Variants in CIRBP observed in about 807,000 individuals in gnomAD.
The protein encoded by CIRBP is cold-inducible RNA-binding protein.
Under a neutral mutation model 22.3 loss-of-function variants are expected in CIRBP, and 11 were observed. The ratio of observed to expected loss-of-function variants is 0.49; its 90% confidence interval spans 0.31 to 0.82. The LOEUF is 0.82. Among genes scored for constraint, CIRBP ranks in the 40% least tolerant of loss-of-function variants. CIRBP has a pLI of 0.05. For synonymous variants in CIRBP, 216 were observed against 158.8 expected, an observed-to-expected ratio of 1.36 and a Z score of -2.71; for missense variants, 456 against 402.7, an observed-to-expected ratio of 1.13 and a Z score of -1.13.
intron 1 of CIRBP, chr19:1,269,827 A>T (rs1272398660): frequency 9.7e-6 from 5 of 518,108 alleles, no homozygotes; most frequent in Admixed American, 1.9e-5. Context: ...TTGCTTACCG[A>T]GCCTTAGTTT....
At position 1,274,526 on chromosome 19, in the gene CIRBP, C is replaced by G; in HGVS notation, c.*2083C>G. The G allele has an allele frequency of 2.6e-6, 1 of 386,796 alleles. No individual in the cohort carries two copies. 24.0% of individuals were successfully genotyped at this position (386,796 alleles called of 1,614,324 possible). ...CGTTTCAGTGAGTCCTGCTCTCCCG[C>G]ACCTATGGCCCCATGGCGGGCGCCT... On this transcript the variant is annotated 3_prime_UTR_variant, in exon 6 of 6. Coordinates refer to ENST00000587896, the MANE Select transcript of CIRBP (RefSeq NM_001300829.2).
Position 1,272,481 on chromosome 19 carries a change from T to C in CIRBP, c.*38T>C, listed in dbSNP as rs746745761. The C allele has an allele frequency of 1.6e-5, 23 of 1,480,544 alleles. No individual in the cohort carries two copies. The highest frequency in any genetic ancestry group is 1.5e-5 in the Non-Finnish European group (16 of 1,099,628). The allele number at this position is 1,480,544 out of a possible 1,614,324, so 91.7% of individuals were successfully genotyped here. On this transcript the variant is annotated 3_prime_UTR_variant, in exon 6 of 6. Transcript: ENST00000587896. ...CTCAAGATCGTCCTTCCAATGGCTGTGTGTTTAAAGATTGTGGGAGCTTCG... is the reference window on the plus strand; with the variant it reads ...CTCAAGATCGTCCTTCCAATGGCTGCGTGTTTAAAGATTGTGGGAGCTTCG...
At chr19:1,270,480 C>T (rs2081320886) in intron 1 of CIRBP, among the ~76,000 whole-genome samples, 1 of 152,016 alleles carries the variant, frequency 6.6e-6, no homozygotes, top group East Asian at 1.9e-4. Context: ...TTAAGAAGTC[C>T]TAGGTGGCTG....
chr19:1,272,841 C>G lies in CIRBP; in HGVS notation c.*398C>G, dbSNP rs749585926. 1.2e-4 allele frequency: 20 copies of G among 162,872 alleles called. No homozygotes were observed. Among genetic ancestry groups the G allele is most frequent in the Non-Finnish European group, 2.4e-4 (18 of 74,902 alleles). 10.1% of individuals were successfully genotyped at this position (162,872 alleles called of 1,614,324 possible). The stretch of plus-strand genomic sequence containing the variant: ...CCCCACTCACTTCTCTGAGATCGAA[C>G]GGACTGTGAATCCGCTCTTTGTCGG... On this transcript the variant is annotated 3_prime_UTR_variant, in exon 6 of 6. Coordinates refer to ENST00000587896, the MANE Select transcript of CIRBP (RefSeq NM_001300829.2).
In CIRBP at chr19:1,272,080, GCT is replaced by G; in HGVS notation, c.532_533del (p.Leu178ValfsTer49). 6.2e-7 allele frequency: 1 copy of G among 1,614,104 alleles called. No homozygotes were observed. The highest frequency in any genetic ancestry group is 2.2e-5 in the East Asian group (1 of 44,888). Reference sequence around the variant, plus strand: ...AGTCACACTCCGAGGGCGCCACGCTGCTGTGGCCTGCGGTGGGAGCTCGGTTC... The same window carrying G: ...AGTCACACTCCGAGGGCGCCACGCTGGTGGCCTGCGGTGGGAGCTCGGTTC... ...GKSHSEGATL[L>X]WPAVGARFTL... On this transcript the variant is annotated frameshift_variant, in exon 6 of 6. Coordinates refer to ENST00000587896, the MANE Select transcript of CIRBP (RefSeq NM_001300829.2). LOFTEE classifies it low-confidence loss of function (END_TRUNC).
chr19:1,270,765 C>T, intron 1 of CIRBP, 163 bp from the exon 2 acceptor site: 1 of 628,372 alleles, frequency 1.6e-6, no homozygotes, highest in Non-Finnish European at 2.8e-6. Flanking sequence ...TGCCCCCGAC[C>T]CCAAAAAAAT....
rs1028731599 is a variant in CIRBP, at chr19:1,274,053, T to A, written c.*1610T>A. Reference sequence around the variant, plus strand: ...ACTCTTAACTTAGCTTTCTCTGATGTCTGTTGCCGCCATTAGTTTTTTTCT... The same window carrying A: ...ACTCTTAACTTAGCTTTCTCTGATGACTGTTGCCGCCATTAGTTTTTTTCT... On this transcript the variant is annotated 3_prime_UTR_variant, in exon 6 of 6. Coordinates refer to ENST00000587896, the MANE Select transcript of CIRBP (RefSeq NM_001300829.2). 2.2e-5 allele frequency: 8 copies of A among 358,924 alleles called. No individual in the cohort carries two copies. The highest frequency in any genetic ancestry group is 1.4e-3 in the Middle Eastern group (2 of 1,444). The allele number at this position is 358,924 out of a possible 1,614,324, so 22.2% of individuals were successfully genotyped here.
Position 1,272,067 on chromosome 19 carries a change from A to C in CIRBP, c.518A>C (p.Glu173Ala). 6.2e-7 allele frequency: 1 copy of C among 1,614,012 alleles called. No individual in the cohort carries two copies. The highest frequency in any genetic ancestry group is 1.1e-5 in the South Asian group (1 of 91,078). ...GACAGTTACGGTAAGTCACACTCCG[A>C]GGGCGCCACGCTGCTGTGGCCTGCG... is the stretch of plus-strand genomic sequence containing the variant. ...SYDSYGKSHS[E>A]GATLLWPAVG... Residue 173 changes from glutamate to alanine, a missense_variant, in exon 6 of 6, where the codon GAG becomes GCG. By Grantham distance (107) the Glu-to-Ala change is moderately radical. Coordinates refer to ENST00000587896, the MANE Select transcript of CIRBP (RefSeq NM_001300829.2).
chr19:1,269,838 C>T (rs370157577), intron 1 of CIRBP: 50 of 519,398 alleles, frequency 9.6e-5, no homozygotes, highest in African/African-American at 3.8e-4. Flanking sequence ...GCCTTAGTTT[C>T]CTCCTTTTCC....
intron 1 of CIRBP, among the ~76,000 whole-genome samples, chr19:1,270,692 G>C (rs1295560804): frequency 6.6e-6 from 1 of 152,164 alleles, no homozygotes; most frequent in Non-Finnish European, 1.5e-5. Flanking sequence ...AGGATTGCTT[G>C]AGCCCAGGAG....
At position 1,272,594 on chromosome 19, in the gene CIRBP, C is replaced by T. The variant is rs185074997; in HGVS notation, c.*151C>T. On this transcript the variant is annotated 3_prime_UTR_variant, in exon 6 of 6. Transcript: ENST00000587896. ...CTGATCTTGTCAAACCCAGCCTGACCGCTTCTGACGCCGGGATGGCCTCGT... is the reference window on the plus strand; with the variant it reads ...CTGATCTTGTCAAACCCAGCCTGACTGCTTCTGACGCCGGGATGGCCTCGT... 1,109 of 662,474 alleles carry T rather than the reference C, an allele frequency of 1.7e-3. 4 individuals carry two copies. The highest frequency in any genetic ancestry group is 1.8e-3 in the Non-Finnish European group (709 of 389,342). 41.0% of individuals were successfully genotyped at this position (662,474 alleles called of 1,614,324 possible).
At position 1,272,674 on chromosome 19, in the gene CIRBP, A is replaced by G. The variant is rs1161951783; in HGVS notation, c.*231A>G. 6 of 414,504 alleles carry G rather than the reference A, an allele frequency of 1.4e-5. No individual in the cohort carries two copies. The highest frequency in any genetic ancestry group is 2.6e-5 in the Non-Finnish European group (6 of 232,940). 25.7% of individuals were successfully genotyped at this position (414,504 alleles called of 1,614,324 possible). A position where few individuals can be genotyped will look rare whatever the true frequency, so the allele number is the denominator to read the frequency against. ...GTTTTTTTTTGAGGGTTTTCAAAAC[A>G]TTTTGAAAAGCATTTACTTTTTTGA... On this transcript the variant is annotated 3_prime_UTR_variant, in exon 6 of 6. Coordinates refer to ENST00000587896, the MANE Select transcript of CIRBP (RefSeq NM_001300829.2).
chr19:1,271,117 G>A, intron 2 of CIRBP, 23 bp from the exon 3 acceptor site: 2 of 1,612,472 alleles, frequency 1.2e-6, no homozygotes, highest in African/African-American at 2.7e-5. Flanking sequence ...GGTGCTGACT[G>A]CAGACCTCTC....
At position 1,272,148 on chromosome 19, in the gene CIRBP, G is replaced by C; in HGVS notation, c.599G>C (p.Arg200Thr). 2 of 1,611,794 alleles carry C rather than the reference G, an allele frequency of 1.2e-6. No individual in the cohort carries two copies. Among genetic ancestry groups the C allele is most frequent in the Non-Finnish European group, 1.7e-6 (2 of 1,179,412 alleles). ...PSPSTLGWTL[R>T]PCHCACPEEA... ...CCAAGCACTTTAGGCTGGACACTCA[G>C]ACCTTGTCACTGTGCTTGCCCAGAA... Residue 200 changes from arginine to threonine, a missense_variant, in exon 6 of 6, where the codon AGA (arginine) becomes ACA (threonine). By Grantham distance (71) the Arg-to-Thr change is moderately conservative. Around this residue, in one of 2 missense-constraint regions of CIRBP, gnomAD observed 426 missense variants for 339.6 expected, o/e 1.25. Transcript: ENST00000587896.
intron 5 of CIRBP, 25 bp downstream of exon 5, chr19:1,271,657 CAG>C (rs759101789): frequency 1.6e-5 from 22 of 1,417,900 alleles, no homozygotes; most frequent in Admixed American, 2.2e-5. Context: ...GGCCCAAGCA[CAG>C]GGGTGGTTGC....
At chr19:1,269,863 G>A (rs996884773) in intron 1 of CIRBP, 2 of 519,718 alleles carry the variant, frequency 3.8e-6, no homozygotes, top group Non-Finnish European at 7.7e-6. Flanking sequence ...GCGATTGCAT[G>A]AGGGAAAGGA....
chr19:1,274,478 C>T lies in CIRBP; in HGVS notation c.*2035C>T. The T allele has an allele frequency of 2.5e-6, 1 of 393,438 alleles. No homozygotes were observed. Among genetic ancestry groups the T allele is most frequent in the Non-Finnish European group, 4.5e-6 (1 of 222,078 alleles). The allele number at this position is 393,438 out of a possible 1,614,324, so 24.4% of individuals were successfully genotyped here. On this transcript the variant is annotated 3_prime_UTR_variant, in exon 6 of 6. Transcript: ENST00000587896. ...GGGAAGAGTGGCATGTGGCGCTGAG[C>T]CCTGTCCCGGGCGGCACCTGGGCGT...
At position 1,272,507 on chromosome 19, in the gene CIRBP, C is replaced by T. The variant is rs1175115457; in HGVS notation, c.*64C>T. On this transcript the variant is annotated 3_prime_UTR_variant, in exon 6 of 6. Coordinates refer to ENST00000587896, the MANE Select transcript of CIRBP (RefSeq NM_001300829.2). ...GTGTTTAAAGATTGTGGGAGCTTCG[C>T]TGAACGTTAATGTGTAGTAAATGCA... 2 of 1,338,948 alleles carry T rather than the reference C, an allele frequency of 1.5e-6. No homozygotes were observed. The highest frequency in any genetic ancestry group is 2.9e-5 in the African/African-American group (2 of 68,002). 82.9% of individuals were successfully genotyped at this position (1,338,948 alleles called of 1,614,324 possible). A position where few individuals can be genotyped will look rare whatever the true frequency, so the allele number is the denominator to read the frequency against.
At position 1,272,577 on chromosome 19, in the gene CIRBP, G is replaced by T. The variant is rs971453430; in HGVS notation, c.*134G>T. ...TCGTAGTCATTTCGGTTCTGATCTT[G>T]TCAAACCCAGCCTGACCGCTTCTGA... On this transcript the variant is annotated 3_prime_UTR_variant, in exon 6 of 6. Transcript: ENST00000587896. 3 of 831,450 alleles carry T rather than the reference G, an allele frequency of 3.6e-6. No individual in the cohort carries two copies. Among genetic ancestry groups the T allele is most frequent in the Non-Finnish European group, 5.7e-6 (3 of 524,240 alleles). 51.5% of individuals were successfully genotyped at this position (831,450 alleles called of 1,614,324 possible). A position where few individuals can be genotyped will look rare whatever the true frequency, so the allele number is the denominator to read the frequency against.
Sources: allele counts gnomAD v4.1 joint callset (sites outside exome capture counted in the v4.1 genomes callset), GRCh38; gene constraint gnomAD v4.1.1; regional missense constraint gnomAD v4.1.1; transcripts MANE v1.5; gene names NCBI Gene and HGNC (gene_info 2026-07-23, HGNC 2026-07-21).